Variants in ADRA1A observed in about 807,000 individuals in gnomAD.
ADRA1A encodes the protein alpha-1A adrenergic receptor.
A neutral mutation model predicts 29.6 loss-of-function variants in ADRA1A; 31 were observed. The observed-to-expected ratio is 1.05, with a 90% CI of 0.79 to 1.41. The LOEUF (loss-of-function observed/expected upper bound fraction) is 1.41, where lower values mean the gene tolerates loss of function less well. Ranked by LOEUF, ADRA1A falls within the 40% of genes most tolerant of loss-of-function variation. ADRA1A has a pLI of 0.00. For missense variants in ADRA1A, 619 were observed against 601.1 expected (o/e 1.03, Z -0.31); for synonymous variants, 311 against 254.3 (o/e 1.22, Z -2.12).
downstream of ADRA1A, among the ~76,000 whole-genome samples, chr8:26,755,833 G>A (rs1388725550): frequency 2.0e-5 from 3 of 152,202 alleles, no homozygotes; most frequent in Non-Finnish European, 4.4e-5. Flanking sequence ...ATAAAGAAAT[G>A]AGAGAGCAGA....
chr8:26,854,708 T>C (rs753323257), intron 2 of ADRA1A: 2 of 152,236 alleles, frequency 1.3e-5, no homozygotes, highest in Non-Finnish European at 2.9e-5. Flanking sequence ...CAGGAAACAA[T>C]GGAGTCATAG....
At chr8:26,814,622 TC>T (rs1284279782) in intron 2 of ADRA1A, among the ~76,000 whole-genome samples, 1 of 152,244 alleles carries the variant, frequency 6.6e-6, no homozygotes, top group Non-Finnish European at 1.5e-5. Flanking sequence ...ATTTAACACT[TC>T]TTTAAAATAA....
At chr8:26,836,135 C>T (rs1305501850) in intron 2 of ADRA1A, 1 of 215,752 alleles carries the variant, frequency 4.6e-6, no homozygotes, top group Non-Finnish European at 1.0e-5. Flanking sequence ...GGTGGAAGTC[C>T]AGGAAGTTCT....
downstream of ADRA1A, among the ~76,000 whole-genome samples, chr8:26,753,060 C>T (rs1005662175): frequency 1.3e-5 from 2 of 152,086 alleles, no homozygotes; most frequent in Admixed American, 1.3e-4. Flanking sequence ...GTTCATGTCC[C>T]CAAGGAGGAA....
rs1456680736 is a variant in ADRA1A at position 26,841,060 on chromosome 8, C to T, written c.883+23027G>A. On this transcript the variant is annotated intron_variant, in intron 2 of 2. Transcript: ENST00000380573. This position sits in a 1 kb window ranked among gnomAD's most constrained non-coding sequence, Gnocchi z 4.4. ...CAATTTCTACTCTGTCACTTACTTGCTGCATGATCCTGGGCCAGTTACTTA... is the reference window on the plus strand; with the variant it reads ...CAATTTCTACTCTGTCACTTACTTGTTGCATGATCCTGGGCCAGTTACTTA... 6.6e-6 allele frequency among the ~76,000 whole-genome samples: 1 copy of T among 152,190 alleles called. No individual in the cohort carries two copies. Among genetic ancestry groups the T allele is most frequent in the African/African-American group, 2.4e-5 (1 of 41,438 alleles).
intron 2 of ADRA1A, among the ~76,000 whole-genome samples, chr8:26,829,629 T>C (rs919520920): frequency 1.3e-5 from 2 of 152,170 alleles, no homozygotes; most frequent in Admixed American, 1.3e-4. Flanking sequence ...ACATGCTTAA[T>C]CACCTCTCAA....
intron 2 of ADRA1A, among the ~76,000 whole-genome samples, chr8:26,832,024 A>G (rs1487248037): frequency 1.3e-5 from 2 of 152,188 alleles, no homozygotes; most frequent in African/African-American, 4.8e-5. Context: ...CCATCTGAGA[A>G]TCCAGGGACG....
intron 2 of ADRA1A, among the ~76,000 whole-genome samples, chr8:26,822,458 A>G (rs918882035): frequency 6.6e-6 from 1 of 152,260 alleles, no homozygotes; most frequent in Non-Finnish European, 1.5e-5. Flanking sequence ...TAAGTCACTT[A>G]AATTAAAATA....
At chr8:26,782,775 C>G (rs1310390503) in intron 2 of ADRA1A, among the ~76,000 whole-genome samples, 1 of 152,148 alleles carries the variant, frequency 6.6e-6, no homozygotes, top group Non-Finnish European at 1.5e-5. Context: ...ACAACTATTA[C>G]CAGACATCCC....
chr8:26,766,301 G>A (rs1325011493), downstream of ADRA1A: 11 of 645,416 alleles, frequency 1.7e-5, no homozygotes, highest in East Asian at 2.7e-5. Flanking sequence ...CACCCGATAT[G>A]TGTCCTGTCA....
At chr8:26,849,863 G>A (rs982796907) in intron 2 of ADRA1A, among the ~76,000 whole-genome samples, 1 of 152,126 alleles carries the variant, frequency 6.6e-6, no homozygotes, top group South Asian at 2.1e-4. Flanking sequence ...AGTGTAGGGG[G>A]TGACGAAGAT....
At position 26,848,157 on chromosome 8, in the gene ADRA1A, T is replaced by C. The variant is rs1478954523; in HGVS notation, c.883+15930A>G. 6.6e-6 allele frequency among the ~76,000 whole-genome samples: 1 copy of C among 152,224 alleles called. No homozygotes were observed. Among genetic ancestry groups the C allele is most frequent in the South Asian group, 2.1e-4 (1 of 4,826 alleles). ...CCAGGCAGCTCCTGCAAGATGTCAC[T>C]AATCCCTTGCGTGCCTCAGTTTCCT... On this transcript the variant is annotated intron_variant, in intron 2 of 2. Coordinates refer to ENST00000380573, the MANE Select transcript of ADRA1A (RefSeq NM_000680.4). This position sits in a 1 kb window ranked among gnomAD's most constrained non-coding sequence, Gnocchi z 4.3.
intron 2 of ADRA1A, among the ~76,000 whole-genome samples, chr8:26,847,195 T>G (rs1252947563): frequency 6.6e-6 from 1 of 151,920 alleles, no homozygotes; most frequent in Non-Finnish European, 1.5e-5. Flanking sequence ...ATTGTGCACA[T>G]GTACCCTAAA....
At chr8:26,802,617 G>A (rs1223178967) in intron 2 of ADRA1A, among the ~76,000 whole-genome samples, 4 of 152,126 alleles carry the variant, frequency 2.6e-5, no homozygotes, top group Non-Finnish European at 5.9e-5. Context: ...CTCATACACC[G>A]TTGGTGGGAG....
At chr8:26,757,055 T>A in intron 2 of ADRA1A, 1 of 704,334 alleles carries the variant, frequency 1.4e-6, no homozygotes, top group Non-Finnish European at 2.6e-6. Flanking sequence ...AACTGAATAC[T>A]CTTCTTTTTA....
At chr8:26,814,710 A>G (rs1773589604) in intron 2 of ADRA1A, among the ~76,000 whole-genome samples, 1 of 152,072 alleles carries the variant, frequency 6.6e-6, no homozygotes, top group South Asian at 2.1e-4. Context: ...CCATCTAGAG[A>G]GATGTCTAGA....
chr8:26,859,049 G>T, intron 2 of ADRA1A: 1 of 1,269,922 alleles, frequency 7.9e-7, no homozygotes, highest in African/African-American at 1.5e-5. Context: ...TCCTGGGTCA[G>T]TCCCTATTAA....
intron 2 of ADRA1A, among the ~76,000 whole-genome samples, chr8:26,835,270 T>C (rs903294517): frequency 6.6e-6 from 1 of 152,234 alleles, no homozygotes; most frequent in Non-Finnish European, 1.5e-5. Flanking sequence ...TTTTGTAGTG[T>C]GCAAATTCTT....
At chr8:26,751,795 C>A (rs541339143), downstream of ADRA1A, among the ~76,000 whole-genome samples, 33 of 152,344 alleles carry the variant, frequency 2.2e-4, 1 homozygote, top group East Asian at 6.4e-3. Context: ...CACAGACATT[C>A]TTTACATGTA....
Sources: allele counts gnomAD v4.1 joint callset (sites outside exome capture counted in the v4.1 genomes callset), GRCh38; gene constraint gnomAD v4.1.1; non-coding constraint Gnocchi (gnomAD v3.1); transcripts MANE v1.5; gene names NCBI Gene and HGNC (gene_info 2026-07-23, HGNC 2026-07-21).